The following RHBDD1 variants were observed in gnomAD, a reference collection of about 807,000 sequenced individuals.
RHBDD1 encodes rhomboid domain containing 1.
Under a neutral mutation model 36.3 loss-of-function variants are expected in RHBDD1, and 38 were observed. That is an observed-to-expected ratio of 1.05 (90% confidence interval 0.81 to 1.37). RHBDD1 has a LOEUF of 1.37. Among genes scored for constraint, RHBDD1 ranks in the 40% most tolerant of loss-of-function variants. The pLI is 0.00. For synonymous variants in RHBDD1, 151 were observed against 136.5 expected (o/e 1.11, Z -0.74); for missense variants, 393 against 377.6 (o/e 1.04, Z -0.34).
intron 8 of RHBDD1, among the ~76,000 whole-genome samples, chr2:226,947,097 T>C (rs1283231027): frequency 1.3e-5 from 2 of 152,106 alleles, no homozygotes; most frequent in Admixed American, 6.6e-5. Flanking sequence ...GCAGAAGCTC[T>C]TTAGTTTAAT....
intron 8 of RHBDD1, among the ~76,000 whole-genome samples, chr2:226,989,267 A>G (rs921102399): frequency 1.1e-4 from 16 of 152,246 alleles, no homozygotes; most frequent in African/African-American, 3.6e-4. Context: ...TCTCACAAGC[A>G]TAATGTAAAT....
chr2:226,847,071 A>C (rs1454356138), intron 3 of RHBDD1, among the ~76,000 whole-genome samples: 2 of 152,240 alleles, frequency 1.3e-5, no homozygotes, highest in Non-Finnish European at 2.9e-5. Context: ...TAGATGTTTG[A>C]AATGTATAAA....
chr2:226,922,507 T>G (rs1949397520), intron 8 of RHBDD1, among the ~76,000 whole-genome samples: 1 of 152,142 alleles, frequency 6.6e-6, no homozygotes, highest in Non-Finnish European at 1.5e-5. Context: ...GTGCCCAGCC[T>G]CTATATGTAT....
chr2:226,946,838 T>G (rs1951023238), intron 8 of RHBDD1, among the ~76,000 whole-genome samples: 1 of 152,092 alleles, frequency 6.6e-6, no homozygotes, highest in Non-Finnish European at 1.5e-5. Flanking sequence ...TTCTGAAATG[T>G]ATGTATCCAG....
intron 5 of RHBDD1, among the ~76,000 whole-genome samples, chr2:226,871,331 A>C (rs1574891897): frequency 6.6e-6 from 1 of 152,182 alleles, no homozygotes; most frequent in Admixed American, 6.5e-5. Flanking sequence ...ACCCCTAAAA[A>C]CTTCAGCAGG....
At chr2:226,935,252 T>C (rs1224746557) in intron 8 of RHBDD1, 5 of 152,148 alleles carry the variant, frequency 3.3e-5, no homozygotes, top group Non-Finnish European at 5.9e-5. Flanking sequence ...AATATTTAGA[T>C]TTCAAATTAA....
Position 226,838,070 on chromosome 2 carries a change from C to G in RHBDD1, c.-391-3C>G, listed in dbSNP as rs146711745. ...TATTTTCTTACAACTTTATCTCTTT[C>G]AGGGGTCCATTGTAGGGGGAGAAAG... On this transcript the variant is annotated splice_polypyrimidine_tract_variant and splice_region_variant and intron_variant, in intron 1 of 8. Coordinates refer to ENST00000392062, the MANE Select transcript of RHBDD1 (RefSeq NM_001167608.3). 7 of 152,270 alleles carry G rather than the reference C, an allele frequency of 4.6e-5. No homozygotes were observed. The East Asian group carries it at 1.4e-3, about 29-fold the overall frequency. 9.4% of individuals were successfully genotyped at this position (152,270 alleles called of 1,614,324 possible).
intron 5 of RHBDD1, among the ~76,000 whole-genome samples, chr2:226,883,840 T>C (rs1945986310): frequency 6.6e-6 from 1 of 152,242 alleles, no homozygotes; most frequent in Admixed American, 6.5e-5. Context: ...TGAGGAGCTC[T>C]GTTAACTGTA....
At chr2:226,905,995 G>A (rs1175043571) in intron 5 of RHBDD1, among the ~76,000 whole-genome samples, 3 of 152,104 alleles carry the variant, frequency 2.0e-5, no homozygotes, top group East Asian at 1.9e-4. Flanking sequence ...GGTAACAGCA[G>A]AGGTTTTTGA....
intron 8 of RHBDD1, among the ~76,000 whole-genome samples, chr2:226,943,098 G>A (rs1363452975): frequency 2.6e-5 from 4 of 152,134 alleles, no homozygotes; most frequent in African/African-American, 9.7e-5. Context: ...CAGCCTCAAG[G>A]TGGTCTAGTG....
intron 5 of RHBDD1, among the ~76,000 whole-genome samples, chr2:226,879,607 G>A (rs1945536929): frequency 6.6e-6 from 1 of 152,036 alleles, no homozygotes; most frequent in Non-Finnish European, 1.5e-5. Flanking sequence ...GAGAAAATGA[G>A]GTATAAAATT....
At chr2:226,877,274 T>A (rs999175291) in intron 5 of RHBDD1, among the ~76,000 whole-genome samples, 2 of 152,218 alleles carry the variant, frequency 1.3e-5, no homozygotes, top group Non-Finnish European at 2.9e-5. Context: ...ATATTATGCA[T>A]TGATTATTTG....
At chr2:226,832,283 AT>A (rs1023004466), upstream of RHBDD1, among the ~76,000 whole-genome samples, 1 of 151,986 alleles carries the variant, frequency 6.6e-6, no homozygotes, top group Non-Finnish European at 1.5e-5. Flanking sequence ...ACATCTGGGG[AT>A]TTTCCAAATT....
At chr2:226,836,837 G>A (rs1214294367) in intron 1 of RHBDD1, among the ~76,000 whole-genome samples, 1 of 152,166 alleles carries the variant, frequency 6.6e-6, no homozygotes, top group Non-Finnish European at 1.5e-5. Flanking sequence ...TCTTTTTGAG[G>A]TAGTTCTAAT....
chr2:226,907,316 G>A (rs544587166), intron 6 of RHBDD1, among the ~76,000 whole-genome samples: 122 of 152,322 alleles, frequency 8.0e-4, no homozygotes, highest in Non-Finnish European at 1.3e-3. Flanking sequence ...TCAGACTGAT[G>A]ACCGGGTCCT....
In RHBDD1 at chr2:226,940,950, C is replaced by CTT. The variant is rs1194250936; in HGVS notation, c.856+26612_856+26613dup. ...AGATTAGACTCACATTTTCTTTTTC[C>CTT]TTTTTTTTTTTTTTGAGATGGAATC... On this transcript the variant is annotated intron_variant, in intron 8 of 8. Coordinates refer to ENST00000392062, the MANE Select transcript of RHBDD1 (RefSeq NM_001167608.3). Among the ~76,000 whole-genome samples the CTT allele has an allele frequency of 2.9e-3, 423 of 146,036 alleles. 2 individuals are homozygous for CTT. The highest frequency in any genetic ancestry group is 9.9e-3 in the African/African-American group (396 of 40,044).
At chr2:226,814,568 G>T in the RHBDD1 span, among the ~76,000 whole-genome samples, 1 of 152,132 alleles carries the variant, frequency 6.6e-6, no homozygotes, top group Non-Finnish European at 1.5e-5. Flanking sequence ...TGTTTCAATA[G>T]ACCAAAGGAG....
At chr2:226,861,242 GGA>G (rs775241076) in intron 3 of RHBDD1, among the ~76,000 whole-genome samples, 1 of 152,176 alleles carries the variant, frequency 6.6e-6, no homozygotes, top group South Asian at 2.1e-4. Flanking sequence ...AGTGTGTGCA[GGA>G]GAGAGTAGGG....
At chr2:226,951,659 A>G (rs1292233933) in intron 8 of RHBDD1, among the ~76,000 whole-genome samples, 1 of 152,228 alleles carries the variant, frequency 6.6e-6, no homozygotes, top group Non-Finnish European at 1.5e-5. Flanking sequence ...CACAGTTAAC[A>G]GCTAACTGTC....
Sources: gnomAD v4.1 joint callset for allele counts (sites outside exome capture counted in the v4.1 genomes callset) on GRCh38, gnomAD v4.1.1 for gene constraint, MANE v1.5 for transcripts, NCBI Gene and HGNC (gene_info 2026-07-23, HGNC 2026-07-21) for gene names.